CSMD3: variants seen among roughly 807,000 people sequenced by gnomAD.
CSMD3 encodes the protein CUB and Sushi multiple domains 3.
In CSMD3, 177 loss-of-function variants were observed where a neutral mutation model predicts 435.2. The ratio of observed to expected loss-of-function variants is 0.41; its 90% CI spans 0.36 to 0.46. The LOEUF is 0.46. Among genes scored for constraint, CSMD3 ranks in the 20% least tolerant of loss-of-function variants. CSMD3 has a pLI of 0.34. For missense variants in CSMD3, 4,265 were observed against 4,504.6 expected (o/e 0.95, Z 1.52); for synonymous variants, 1,656 against 1,520.5 (o/e 1.09, Z -2.07).
intron 6 of CSMD3, among the ~76,000 whole-genome samples, chr8:112,980,935 G>C (rs560807627): frequency 6.6e-6 from 1 of 151,404 alleles, no homozygotes; most frequent in African/African-American, 2.4e-5. Flanking sequence ...ACTGAAAGTA[G>C]CCCTTAAAAC....
intron 9 of CSMD3, among the ~76,000 whole-genome samples, chr8:112,923,384 G>C (rs985406188): frequency 2.0e-5 from 3 of 152,068 alleles, no homozygotes; most frequent in Non-Finnish European, 2.9e-5. Context: ...CTGCTAATTT[G>C]CAGGATTAAT....
intron 4 of CSMD3, among the ~76,000 whole-genome samples, chr8:113,133,948 A>G (rs1030680812): frequency 6.6e-6 from 1 of 152,070 alleles, no homozygotes; most frequent in Admixed American, 6.6e-5. Flanking sequence ...GATTTGCACT[A>G]TGAAATGGTT....
At chr8:112,823,181 A>C (rs1563996125) in intron 12 of CSMD3, among the ~76,000 whole-genome samples, 1 of 152,106 alleles carries the variant, frequency 6.6e-6, no homozygotes, top group Non-Finnish European at 1.5e-5. Context: ...CTCCATTTCA[A>C]CTCCCTGGAA....
intron 13 of CSMD3, among the ~76,000 whole-genome samples, chr8:112,756,226 A>G (rs2077695753): frequency 6.6e-6 from 1 of 152,182 alleles, no homozygotes; most frequent in Admixed American, 6.5e-5. Flanking sequence ...TGTTCCAAGT[A>G]TATATTTAAT....
chr8:112,978,128 CTCA>C (rs1200695714), intron 6 of CSMD3, among the ~76,000 whole-genome samples: 3 of 151,872 alleles, frequency 2.0e-5, no homozygotes, highest in Admixed American at 6.6e-5. Context: ...TTTTTATAAC[CTCA>C]TCATAATTTT....
At chr8:112,544,460 T>C (rs1284471460) in intron 27 of CSMD3, among the ~76,000 whole-genome samples, 1 of 152,170 alleles carries the variant, frequency 6.6e-6, no homozygotes, top group Non-Finnish European at 1.5e-5. Flanking sequence ...AAAATAATAG[T>C]GTTTCATTTA....
intron 22 of CSMD3, among the ~76,000 whole-genome samples, chr8:112,617,055 G>A (rs1487498132): frequency 6.6e-6 from 1 of 152,090 alleles, no homozygotes; most frequent in Non-Finnish European, 1.5e-5. Flanking sequence ...GACTGAAGAT[G>A]AGCCTCACTT....
intron 45 of CSMD3, among the ~76,000 whole-genome samples, chr8:112,327,124 T>C (rs1399496595): frequency 6.6e-6 from 1 of 152,210 alleles, no homozygotes; most frequent in African/African-American, 2.4e-5. Context: ...AGCAACACAC[T>C]GTATCATCCT....
At chr8:112,427,537 G>C (rs1032066566) in intron 32 of CSMD3, among the ~76,000 whole-genome samples, 12 of 152,102 alleles carry the variant, frequency 7.9e-5, no homozygotes, top group African/African-American at 2.9e-4. Flanking sequence ...CCAGTCCTGA[G>C]GAACTGTGAG....
At chr8:112,297,693 G>A (rs968480945) in intron 53 of CSMD3, among the ~76,000 whole-genome samples, 9 of 152,110 alleles carry the variant, frequency 5.9e-5, no homozygotes, top group Admixed American at 2.0e-4. Context: ...CAGGTAATAC[G>A]TACGTAGAAA....
At chr8:113,403,364 T>C (rs1033050526) in intron 1 of CSMD3, among the ~76,000 whole-genome samples, 3 of 151,324 alleles carry the variant, frequency 2.0e-5, no homozygotes, top group Admixed American at 2.0e-4. Context: ...TCTGTTCCTG[T>C]GGTACCATTT....
At chr8:112,385,074 G>C (rs1464052455) in intron 36 of CSMD3, among the ~76,000 whole-genome samples, 1 of 152,048 alleles carries the variant, frequency 6.6e-6, no homozygotes, top group African/African-American at 2.4e-5. Context: ...CTACAGTGGG[G>C]GGTATTTACA....
At chr8:112,464,064 G>A (rs112232142) in intron 32 of CSMD3, among the ~76,000 whole-genome samples, 4,612 of 151,772 alleles carry the variant, frequency 0.03, 85 homozygotes, top group African/African-American at 0.04. Context: ...GTGAAACCTC[G>A]TCTCTACTAA....
At chr8:113,209,179 T>C (rs1244963846) in intron 3 of CSMD3, among the ~76,000 whole-genome samples, 1 of 152,150 alleles carries the variant, frequency 6.6e-6, no homozygotes, top group Non-Finnish European at 1.5e-5. Flanking sequence ...TGTGTGACAC[T>C]GTTTTATGTA....
rs1812395965 is a variant in CSMD3, at chr8:112,224,474, T to C, written c.*297A>G. Reference sequence around the variant, plus strand: ...AAAGCACAGAAATACTGATAGTGGATGCTCCTCCAATATATGCAAATAAGT... The same window carrying C: ...AAAGCACAGAAATACTGATAGTGGACGCTCCTCCAATATATGCAAATAAGT... On this transcript the variant is annotated 3_prime_UTR_variant, in exon 71 of 71. Transcript: ENST00000297405. 1 of 402,582 alleles carries C rather than the reference T, an allele frequency of 2.5e-6. No individual in the cohort carries two copies. Among genetic ancestry groups the C allele is most frequent in the African/African-American group, 2.0e-5 (1 of 49,182 alleles). The allele number at this position is 402,582 out of a possible 1,614,324, so 24.9% of individuals were successfully genotyped here.
intron 10 of CSMD3, among the ~76,000 whole-genome samples, chr8:112,897,789 G>C (rs754968763): frequency 1.3e-5 from 2 of 148,820 alleles, no homozygotes; most frequent in African/African-American, 2.5e-5. Context: ...TAAAGCGGGA[G>C]GAAAAAGTGA....
intron 4 of CSMD3, among the ~76,000 whole-genome samples, chr8:113,117,162 C>T (rs530874786): frequency 2.1e-4 from 32 of 152,336 alleles, no homozygotes; most frequent in African/African-American, 6.7e-4. Context: ...CACAACAGCC[C>T]TTCCCATAAC....
chr8:113,256,110 A>G (rs2093378479), intron 3 of CSMD3, among the ~76,000 whole-genome samples: 1 of 151,994 alleles, frequency 6.6e-6, no homozygotes. Context: ...GGACAAAGAG[A>G]TTTCATGAGA....
chr8:112,582,406 T>C (rs967240806), intron 23 of CSMD3, among the ~76,000 whole-genome samples: 5 of 151,048 alleles, frequency 3.3e-5, no homozygotes, highest in Admixed American at 2.6e-4. Context: ...TTTATAGCAA[T>C]GTAAAAAAAA....
Sources: gnomAD v4.1 joint callset for allele counts (sites outside exome capture counted in the v4.1 genomes callset) on GRCh38, gnomAD v4.1.1 for gene constraint, MANE v1.5 for transcripts, NCBI Gene and HGNC (gene_info 2026-07-23, HGNC 2026-07-21) for gene names.